NLGN1: variants seen among roughly 807,000 people sequenced by gnomAD.
NLGN1 encodes the protein neuroligin 1.
Under a neutral mutation model 65.5 loss-of-function variants are expected in NLGN1, and 12 were observed. The observed-to-expected ratio is 0.18, with a 90% CI of 0.12 to 0.30. The LOEUF is 0.30. NLGN1 is among the 10% of genes least tolerant of loss of function. The pLI is 1.00. For synonymous variants in NLGN1, 350 were observed against 359.5 expected, an observed-to-expected ratio of 0.97 and a Z score of 0.30; for missense variants, 750 against 1,007.1, an observed-to-expected ratio of 0.74 and a Z score of 3.46.
At chr3:174,104,821 G>A (rs1246622032) in intron 4 of NLGN1, among the ~76,000 whole-genome samples, 1 of 152,086 alleles carries the variant, frequency 6.6e-6, no homozygotes, top group Non-Finnish European at 1.5e-5. Flanking sequence ...CTTTGGCAGA[G>A]TTTTAGGTTG....
At chr3:173,742,684 C>A (rs1371959608) in intron 3 of NLGN1, among the ~76,000 whole-genome samples, 2 of 152,152 alleles carry the variant, frequency 1.3e-5, no homozygotes, top group East Asian at 3.9e-4. Context: ...TTTGATGCAA[C>A]AAATTTCCCC....
chr3:173,525,677 G>A (rs1482799534), intron 2 of NLGN1, among the ~76,000 whole-genome samples: 1 of 151,872 alleles, frequency 6.6e-6, no homozygotes, highest in African/African-American at 2.4e-5. Flanking sequence ...AGTTCCTTGA[G>A]TTGCAACATT....
chr3:173,693,297 C>G (rs1765739375), intron 3 of NLGN1, among the ~76,000 whole-genome samples: 1 of 151,646 alleles, frequency 6.6e-6, no homozygotes, highest in Admixed American at 6.6e-5. Flanking sequence ...AAAGGAGGGA[C>G]TGAAATAAAA....
intron 2 of NLGN1, among the ~76,000 whole-genome samples, chr3:173,557,574 T>C (rs974348828): frequency 9.9e-5 from 15 of 152,228 alleles, no homozygotes; most frequent in African/African-American, 3.6e-4. Flanking sequence ...CTGTTTTATA[T>C]CTTCTATTAA....
At chr3:173,533,072 G>T (rs1415087405) in intron 2 of NLGN1, among the ~76,000 whole-genome samples, 1 of 152,176 alleles carries the variant, frequency 6.6e-6, no homozygotes, top group African/African-American at 2.4e-5. Context: ...ACTTAGAAAT[G>T]CTATTTTGGC....
At chr3:174,258,288 C>T (rs534613775) in intron 4 of NLGN1, among the ~76,000 whole-genome samples, 10 of 151,770 alleles carry the variant, frequency 6.6e-5, no homozygotes, top group East Asian at 1.9e-4. Context: ...TAAGAACCCA[C>T]GAGTCCATAA....
rs565253521 is a variant in NLGN1 at position 174,260,625 on chromosome 3, T to C, written c.647-14690T>C. ...AGTAGGTTGTGAAAATTTTCTCCCATTTTGTAGGTTGCCTGTTCACTCTGA... is the reference window on the plus strand; with the variant it reads ...AGTAGGTTGTGAAAATTTTCTCCCACTTTGTAGGTTGCCTGTTCACTCTGA... On this transcript the variant is annotated intron_variant, in intron 4 of 6. Coordinates refer to ENST00000457714, the Ensembl canonical transcript of NLGN1. Among the ~76,000 whole-genome samples the C allele has an allele frequency of 6.0e-3, 799 of 133,144 alleles. 50 individuals are homozygous for C. The highest frequency in any genetic ancestry group is 0.023 in the Middle Eastern group (6 of 256). 87.3% of individuals were successfully genotyped at this position (133,144 alleles called of 152,430 possible).
chr3:173,551,112 C>T (rs115497092), intron 2 of NLGN1, among the ~76,000 whole-genome samples: 130 of 152,118 alleles, frequency 8.5e-4, no homozygotes, highest in Non-Finnish European at 1.5e-3. Flanking sequence ...ATAACTTTAA[C>T]GGTGGAGAAG....
chr3:173,816,918 T>C (rs1289153286), intron 4 of NLGN1, among the ~76,000 whole-genome samples: 1 of 152,280 alleles, frequency 6.6e-6, no homozygotes, highest in Non-Finnish European at 1.5e-5. Flanking sequence ...CCTTTTAAAA[T>C]TGTCTGCATT....
chr3:173,666,786 GT>G (rs988586217), intron 3 of NLGN1, among the ~76,000 whole-genome samples: 1 of 152,108 alleles, frequency 6.6e-6, no homozygotes, highest in Non-Finnish European at 1.5e-5. Context: ...ATTCATAATA[GT>G]TTTTTAATGG....
At chr3:174,092,611 C>T (rs573090450) in intron 4 of NLGN1, among the ~76,000 whole-genome samples, 6 of 151,436 alleles carry the variant, frequency 4.0e-5, no homozygotes, top group East Asian at 1.9e-4. Flanking sequence ...AACATTATAA[C>T]GTTTCTCTTA....
chr3:173,958,846 C>A (rs1342695629), intron 4 of NLGN1, among the ~76,000 whole-genome samples: 4 of 152,186 alleles, frequency 2.6e-5, no homozygotes, highest in Non-Finnish European at 4.4e-5. Flanking sequence ...GGCCTCTCTC[C>A]CATGCTCATT....
At chr3:173,847,916 T>A (rs1027965794) in intron 4 of NLGN1, among the ~76,000 whole-genome samples, 1 of 152,174 alleles carries the variant, frequency 6.6e-6, no homozygotes, top group Non-Finnish European at 1.5e-5. Context: ...TAGAATGTAC[T>A]ATATTTTGAA....
chr3:173,418,271 A>C (rs1169147531), intron 1 of NLGN1, among the ~76,000 whole-genome samples: 1 of 151,640 alleles, frequency 6.6e-6, no homozygotes, highest in Non-Finnish European at 1.5e-5. Flanking sequence ...TAATTTAACA[A>C]TTTATTGCTT....
intron 4 of NLGN1, among the ~76,000 whole-genome samples, chr3:174,221,709 A>G (rs1738693488): frequency 6.6e-6 from 1 of 152,068 alleles, no homozygotes; most frequent in Admixed American, 6.6e-5. Context: ...TCTGAGGCTA[A>G]AGTCCAATGT....
downstream of NLGN1, among the ~76,000 whole-genome samples, chr3:174,288,530 C>T (rs756237630): frequency 6.6e-5 from 10 of 151,234 alleles, no homozygotes; most frequent in Non-Finnish European, 1.0e-4. Flanking sequence ...CCGTCTTCAT[C>T]GCCTGAATTG....
intron 4 of NLGN1, among the ~76,000 whole-genome samples, chr3:173,889,364 A>G (rs941235717): frequency 1.3e-5 from 2 of 152,032 alleles, no homozygotes; most frequent in Non-Finnish European, 2.9e-5. Context: ...TTTCTGCGTA[A>G]CTGTAGCCTC....
intron 3 of NLGN1, among the ~76,000 whole-genome samples, chr3:173,761,850 A>G (rs947875766): frequency 1.3e-5 from 2 of 152,072 alleles, no homozygotes; most frequent in African/African-American, 4.8e-5. Context: ...AAATCAGTGA[A>G]TATCAAGGCA....
chr3:173,615,447 G>A (rs1752910155), intron 3 of NLGN1, among the ~76,000 whole-genome samples: 3 of 151,968 alleles, frequency 2.0e-5, no homozygotes, highest in South Asian at 4.1e-4. Context: ...GTTGATGTCC[G>A]TGTCAATATT....
Sources: gnomAD v4.1 joint callset for allele counts (sites outside exome capture counted in the v4.1 genomes callset) on GRCh38, gnomAD v4.1.1 for gene constraint, MANE v1.5 for transcripts, NCBI Gene and HGNC (gene_info 2026-07-23, HGNC 2026-07-21) for gene names.